JRK: variants seen among roughly 807,000 people sequenced by gnomAD.
The protein encoded by JRK is Jrk helix-turn-helix protein.
For synonymous variants in JRK, 303 were observed against 218.1 expected (o/e 1.39, Z -3.43); for missense variants, 720 against 509.2 (o/e 1.41, Z -3.98).
rs587683258 is a variant in JRK at position 142,659,038 on chromosome 8, G to A, written c.*5314C>T. The A allele has an allele frequency of 2.0e-6, 3 of 1,475,104 alleles. No homozygotes were observed. The South Asian group carries it at 4.1e-5, about 20-fold the overall frequency. The allele number at this position is 1,475,104 out of a possible 1,614,324, so 91.4% of individuals were successfully genotyped here. On this transcript the variant is annotated 3_prime_UTR_variant, in exon 2 of 2. Transcript: ENST00000612905. ...CTTCCCTCTGCCAGGGAGAATGGTG[G>A]AGGAAGAATGGATTCCTAGTGTATT...
In JRK at chr8:142,661,520, C is replaced by T. The variant is rs782267750; in HGVS notation, c.*2832G>A. 38 of 985,370 alleles carry T rather than the reference C, an allele frequency of 3.9e-5. No homozygotes were observed. Among genetic ancestry groups the T allele is most frequent in the Non-Finnish European group, 4.3e-5 (36 of 829,970 alleles). 61.0% of individuals were successfully genotyped at this position (985,370 alleles called of 1,614,324 possible). A position where few individuals can be genotyped will look rare whatever the true frequency, so the allele number is the denominator to read the frequency against. On this transcript the variant is annotated 3_prime_UTR_variant, in exon 2 of 2. Coordinates refer to ENST00000612905, the MANE Select transcript of JRK (RefSeq NM_003724.4). ...GCCACAGAGGTCCCAAACCATATGA[C>T]GCAGCACCTGCTACCCCACGAGCCA...
In JRK at chr8:142,661,245, A is replaced by G; in HGVS notation, c.*3107T>C. 1.0e-6 allele frequency: 1 copy of G among 985,606 alleles called. No individual in the cohort carries two copies. Among genetic ancestry groups the G allele is most frequent in the Non-Finnish European group, 1.2e-6 (1 of 830,064 alleles). The allele number at this position is 985,606 out of a possible 1,614,324, so 61.1% of individuals were successfully genotyped here. On this transcript the variant is annotated 3_prime_UTR_variant, in exon 2 of 2. Transcript: ENST00000612905. ...AAGGCCAGGCTGGCACAGGCAGGAC[A>G]GGTGTTCTGTAAACCAACCCCAACG...
In JRK at chr8:142,665,541, G is replaced by A. The variant is rs1554635752; in HGVS notation, c.518C>T (p.Ala173Val). 1.4e-6 allele frequency: 1 copy of A among 718,444 alleles called. No homozygotes were observed. Among genetic ancestry groups the A allele is most frequent in the Non-Finnish European group, 2.6e-6 (1 of 385,096 alleles). The allele number at this position is 718,444 out of a possible 1,614,324, so 44.5% of individuals were successfully genotyped here. The change falls in exon 2 of 2, where the codon GCT becomes GTT. Residue 173 changes from alanine (A) to valine (V), a missense_variant. Physicochemically the swap from Ala to Val is moderately conservative, Grantham distance 64. Transcript: ENST00000612905. ...CTCGGCGGACAGCCCGTGCTCAGCA[G>A]CCAAGCTCCTGAAAAACGCACAGAA... is the stretch of plus-strand genomic sequence containing the variant. ...EQFCAFFRSL[A>V]AEHGLSAEQV...
Position 142,661,612 on chromosome 8 carries a change from C to T in JRK, c.*2740G>A. 3 of 985,488 alleles carry T rather than the reference C, an allele frequency of 3.0e-6. No individual in the cohort carries two copies. The highest frequency in any genetic ancestry group is 4.7e-5 in the South Asian group (1 of 21,282). 61.0% of individuals were successfully genotyped at this position (985,488 alleles called of 1,614,324 possible). ...GACAGGGAGTGGCTCCAGCCTGGTG[C>T]TCACAGATAAAACGCGGAGGCATTT... is the stretch of plus-strand genomic sequence containing the variant. On this transcript the variant is annotated 3_prime_UTR_variant, in exon 2 of 2. Coordinates refer to ENST00000612905, the MANE Select transcript of JRK (RefSeq NM_003724.4).
At chr8:142,648,169 G>A in the JRK span, among the ~76,000 whole-genome samples, 7 of 152,350 alleles carry the variant, frequency 4.6e-5, no homozygotes, top group East Asian at 9.6e-4. Flanking sequence ...AAGGGAAAGA[G>A]AGCATAAAAG....
Position 142,660,229 on chromosome 8 carries a change from G to C in JRK, c.*4123C>G. On this transcript the variant is annotated 3_prime_UTR_variant, in exon 2 of 2. Transcript: ENST00000612905. ...GTCAAGGAGAGTCCTCGAACCCAGA[G>C]GGGGCTGGGTAAGCAGCAGAAGTGC... 1 of 985,586 alleles carries C rather than the reference G, an allele frequency of 1.0e-6. No homozygotes were observed. Among genetic ancestry groups the C allele is most frequent in the Non-Finnish European group, 1.2e-6 (1 of 830,052 alleles). 61.1% of individuals were successfully genotyped at this position (985,586 alleles called of 1,614,324 possible).
In JRK at chr8:142,661,176, G is replaced by A. The variant is rs2129712966; in HGVS notation, c.*3176C>T. On this transcript the variant is annotated 3_prime_UTR_variant, in exon 2 of 2. Transcript: ENST00000612905. The stretch of plus-strand genomic sequence containing the variant: ...GGTCTGCTCTAGACCCTCCTATGCA[G>A]GAGACAGACAACTTCCAGGACAGCG... 2 of 985,408 alleles carry A rather than the reference G, an allele frequency of 2.0e-6. No individual in the cohort carries two copies. Among genetic ancestry groups the A allele is most frequent in the African/African-American group, 1.7e-5 (1 of 57,238 alleles). 61.0% of individuals were successfully genotyped at this position (985,408 alleles called of 1,614,324 possible).
At position 142,663,687 on chromosome 8, in the gene JRK, T is replaced by A. The variant is rs950397183; in HGVS notation, c.*665A>T. The A allele has an allele frequency of 4.1e-6, 4 of 985,302 alleles. No individual in the cohort carries two copies. The highest frequency in any genetic ancestry group is 4.8e-6 in the Non-Finnish European group (4 of 829,940). The allele number at this position is 985,302 out of a possible 1,614,324, so 61.0% of individuals were successfully genotyped here. A position where few individuals can be genotyped will look rare whatever the true frequency, so the allele number is the denominator to read the frequency against. Reference sequence around the variant, plus strand: ...CAACTCTCCGTGGGGCCCCCCAACATCTTGGGGCCAGAGCCCATGGGACAG... The same window carrying A: ...CAACTCTCCGTGGGGCCCCCCAACAACTTGGGGCCAGAGCCCATGGGACAG... On this transcript the variant is annotated 3_prime_UTR_variant, in exon 2 of 2. Coordinates refer to ENST00000612905, the MANE Select transcript of JRK (RefSeq NM_003724.4).
the JRK span, among the ~76,000 whole-genome samples, chr8:142,649,629 G>A: frequency 1.3e-5 from 2 of 152,214 alleles, no homozygotes; most frequent in Non-Finnish European, 2.9e-5. Flanking sequence ...CCAAGCCTTG[G>A]CAGCTTCCAC....
chr8:142,646,452 T>C, the JRK span, among the ~76,000 whole-genome samples: 5,351 of 152,334 alleles, frequency 0.035, 118 homozygotes, highest in Non-Finnish European at 0.053. Context: ...ATTAAATCAA[T>C]ATCAGTGTCT....
At position 142,658,954 on chromosome 8, in the gene JRK, C is replaced by G; in HGVS notation, c.*5398G>C. Reference sequence around the variant, plus strand: ...CAAGGCCCACAGTCTCCTGAAACAACAGAACTTTGCTGCTTCATGGAGGAG... The same window carrying G: ...CAAGGCCCACAGTCTCCTGAAACAAGAGAACTTTGCTGCTTCATGGAGGAG... On this transcript the variant is annotated 3_prime_UTR_variant, in exon 2 of 2. Coordinates refer to ENST00000612905, the MANE Select transcript of JRK (RefSeq NM_003724.4). 2.5e-6 allele frequency: 4 copies of G among 1,611,938 alleles called. No individual in the cohort carries two copies. Among genetic ancestry groups the G allele is most frequent in the Non-Finnish European group, 3.4e-6 (4 of 1,178,998 alleles).
At position 142,659,083 on chromosome 8, in the gene JRK, A is replaced by G; in HGVS notation, c.*5269T>C. 4.3e-6 allele frequency: 6 copies of G among 1,409,646 alleles called. No individual in the cohort carries two copies. In the South Asian group the frequency reaches 7.9e-5, roughly 18 times the overall value. The allele number at this position is 1,409,646 out of a possible 1,614,324, so 87.3% of individuals were successfully genotyped here. ...TGTATTTTTTCTCTTCAGAACTGAC[A>G]GCCCATCAAGGTACAATGAAATAGA... On this transcript the variant is annotated 3_prime_UTR_variant, in exon 2 of 2. Transcript: ENST00000612905.
the JRK span, among the ~76,000 whole-genome samples, chr8:142,647,902 A>G: frequency 6.7e-4 from 102 of 152,376 alleles, no homozygotes; most frequent in African/African-American, 2.4e-3. Flanking sequence ...GCTTTGCCCA[A>G]AATGCTGATA....
At chr8:142,651,398 A>G in the JRK span, among the ~76,000 whole-genome samples, 1 of 151,568 alleles carries the variant, frequency 6.6e-6, no homozygotes, top group African/African-American at 2.4e-5. Context: ...CATGCTGGAA[A>G]AAAAAAAAAA....
At position 142,659,322 on chromosome 8, in the gene JRK, C is replaced by T; in HGVS notation, c.*5030G>A. 1 of 1,002,482 alleles carries T rather than the reference C, an allele frequency of 1.0e-6. No individual in the cohort carries two copies. Among genetic ancestry groups the T allele is most frequent in the Non-Finnish European group, 1.2e-6 (1 of 840,454 alleles). The allele number at this position is 1,002,482 out of a possible 1,614,324, so 62.1% of individuals were successfully genotyped here. A position where few individuals can be genotyped will look rare whatever the true frequency, so the allele number is the denominator to read the frequency against. On this transcript the variant is annotated 3_prime_UTR_variant, in exon 2 of 2. Transcript: ENST00000612905. Reference sequence around the variant, plus strand: ...CTGACCCCAGAGCAGACCATGCTGACACTGGGCAACACATTCCCTGCTCTG... The same window carrying T: ...CTGACCCCAGAGCAGACCATGCTGATACTGGGCAACACATTCCCTGCTCTG...
the JRK span, among the ~76,000 whole-genome samples, chr8:142,646,000 C>CTT: frequency 1.3e-4 from 20 of 151,520 alleles, no homozygotes; most frequent in Admixed American, 9.9e-4. Context: ...AAAGCACACA[C>CTT]TTTTTTTTAG....
chr8:142,665,883 T>C lies in JRK; in HGVS notation c.176A>G (p.Lys59Arg), dbSNP rs587741517. Residue 59 changes from lysine (K) to arginine (R), a missense_variant, in exon 2 of 2, where the codon AAG becomes AGG. Lys to Arg is a conservative substitution (Grantham distance 26). Transcript: ENST00000612905. Reference protein sequence around the residue: ...MSTLYDIRAHKAQLLRFFASS... With the variant: ...MSTLYDIRAHRAQLLRFFASS... ...GGCGAAGAACCGGAGCAGCTGCGCC[T>C]TGTGGGCCCTGATGTCGTAGAGGGT... 3 of 784,584 alleles carry C rather than the reference T, an allele frequency of 3.8e-6. No homozygotes were observed. In the African/African-American group the frequency reaches 5.1e-5, roughly 13 times the overall value. The allele number at this position is 784,584 out of a possible 1,614,324, so 48.6% of individuals were successfully genotyped here.
rs781816453 is a variant in JRK, at chr8:142,666,023, C to T, written c.36G>A (p.Gly12=). The part of the protein sequence containing the change: ...ASKPAAGKSR[G]EKRKRVVLTL... The stretch of plus-strand genomic sequence containing the variant: ...TCAGCACCACCCTCTTCCGCTTCTC[C>T]CCTCTGCTCTTCCCGGCAGCCGGCT... Residue 12 remains glycine (G), a synonymous_variant, in exon 2 of 2, where the codon GGG becomes GGA. Transcript: ENST00000612905. 6.8e-5 allele frequency: 104 copies of T among 1,524,270 alleles called. No individual in the cohort carries two copies. Among genetic ancestry groups the T allele is most frequent in the Admixed American group, 1.3e-4 (8 of 59,866 alleles). The allele number at this position is 1,524,270 out of a possible 1,614,324, so 94.4% of individuals were successfully genotyped here.
chr8:142,662,087 C>G lies in JRK; in HGVS notation c.*2265G>C, dbSNP rs1354958784. The G allele has an allele frequency of 2.0e-6, 2 of 985,618 alleles. No homozygotes were observed. The highest frequency in any genetic ancestry group is 2.4e-6 in the Non-Finnish European group (2 of 830,048). 61.1% of individuals were successfully genotyped at this position (985,618 alleles called of 1,614,324 possible). ...CAGCCACAAGGGCTGCACCTAGAGT[C>G]AGGCTCCAGGCCTTGCTGCAGTTGG... On this transcript the variant is annotated 3_prime_UTR_variant, in exon 2 of 2. Transcript: ENST00000612905.
Sources: allele counts gnomAD v4.1 joint callset (sites outside exome capture counted in the v4.1 genomes callset), GRCh38; gene constraint gnomAD v4.1.1; transcripts MANE v1.5; gene names NCBI Gene and HGNC (gene_info 2026-07-23, HGNC 2026-07-21).